ANKRD27: variants seen among roughly 807,000 people sequenced by gnomAD.
ANKRD27 encodes ankyrin repeat domain 27.
Under a neutral mutation model 129.7 loss-of-function variants are expected in ANKRD27, and 112 were observed. The observed-to-expected ratio is 0.86, with a 90% CI of 0.74 to 1.01. The LOEUF is 1.01. Ranked by LOEUF, ANKRD27 falls within the 50% of genes least tolerant of loss-of-function variation. The pLI is 0.00. For missense variants in ANKRD27, 1,258 were observed against 1,300.5 expected (o/e 0.97, Z 0.50); for synonymous variants, 516 against 511.2 (o/e 1.01, Z -0.13).
intron 13 of ANKRD27, among the ~76,000 whole-genome samples, chr19:32,630,482 C>A (rs543533918): frequency 6.6e-6 from 1 of 152,378 alleles, no homozygotes; most frequent in East Asian, 1.9e-4. Flanking sequence ...GCTCCTCGAG[C>A]CCAGCGGAGG....
Position 32,605,843 on chromosome 19 carries a change from G to A in ANKRD27, c.2485C>T (p.Leu829=). The change falls in exon 24 of 29, where the codon CTG becomes TTG. Residue 829 remains leucine, a synonymous_variant. Coordinates refer to ENST00000306065, the MANE Select transcript of ANKRD27 (RefSeq NM_032139.3). ...SGGHHELVAL[L]LQHGASINAS... ...CAGGAAGGGGCCCTCACCTGTAGCA[G>A]CAGTGCCACAAGCTCGTGATGGCCA... 6.2e-7 allele frequency: 1 copy of A among 1,613,732 alleles called. No homozygotes were observed. The highest frequency in any genetic ancestry group is 8.5e-7 in the Non-Finnish European group (1 of 1,179,788).
chr19:32,606,151 CTTTTT>C (rs11325326), intron 23 of ANKRD27, among the ~76,000 whole-genome samples, 197 bp from the exon 24 acceptor site: 16 of 125,528 alleles, frequency 1.3e-4, no homozygotes, highest in South Asian at 2.5e-4. Context: ...GTTTTTCTTT[CTTTTT>C]TTTTTTTTTT....
chr19:32,612,518 GAATA>G (rs2145266679), intron 22 of ANKRD27, among the ~76,000 whole-genome samples: 1 of 152,276 alleles, frequency 6.6e-6, no homozygotes, highest in Non-Finnish European at 1.5e-5. Flanking sequence ...TGGCAAAGAA[GAATA>G]AATTAGGAAG....
chr19:32,651,181 G>A (rs921014296), intron 2 of ANKRD27, among the ~76,000 whole-genome samples: 6 of 152,142 alleles, frequency 3.9e-5, no homozygotes, highest in African/African-American at 9.7e-5. Flanking sequence ...CACTGCAGTT[G>A]GCAGACAAAG....
rs1967959310 is a variant in ANKRD27, at chr19:32,675,054, A to C, written c.-31+17T>G. 1 of 152,212 alleles carries C rather than the reference A, an allele frequency of 6.6e-6. No homozygotes were observed. Among genetic ancestry groups the C allele is most frequent in the Admixed American group, 6.5e-5 (1 of 15,286 alleles). 9.4% of individuals were successfully genotyped at this position (152,212 alleles called of 1,614,324 possible). On this transcript the variant is annotated intron_variant, in intron 1 of 28. Transcript: ENST00000306065. ...GGGAGGGGAGGCGCAGGAGGAGGCC[A>C]GCGCGAGGACACTTACTTAAAAGGC...
chr19:32,649,532 G>C (rs1356669878), intron 3 of ANKRD27, 150 bp downstream of exon 3: 13 of 631,252 alleles, frequency 2.1e-5, no homozygotes, highest in Non-Finnish European at 3.4e-5. Flanking sequence ...CACAAAGGCA[G>C]GGTCCCTCCA....
chr19:32,642,768 C>G (rs569594224), intron 9 of ANKRD27, among the ~76,000 whole-genome samples: 4 of 152,106 alleles, frequency 2.6e-5, no homozygotes, highest in Admixed American at 1.3e-4. Flanking sequence ...AATGAATTAA[C>G]TCCTAAGTAG....
intron 2 of ANKRD27, among the ~76,000 whole-genome samples, chr19:32,658,173 A>G (rs1026953550): frequency 1.3e-5 from 2 of 152,080 alleles, no homozygotes; most frequent in South Asian, 2.1e-4. Context: ...GGGACAACAG[A>G]CAAAAAGAAG....
At chr19:32,618,998 T>C (rs438268) in intron 20 of ANKRD27, among the ~76,000 whole-genome samples, 119,515 of 152,240 alleles carry the variant, frequency 0.79, 47,954 homozygotes, top group African/African-American at 0.95. Context: ...TATCCTCTCT[T>C]TAATACACAA....
chr19:32,674,636 G>A (rs1424690267), intron 1 of ANKRD27, among the ~76,000 whole-genome samples: 1 of 151,838 alleles, frequency 6.6e-6, no homozygotes, highest in African/African-American at 2.4e-5. Context: ...TCACCCCCCG[G>A]AAACCACAAC....
chr19:32,607,507 A>C, intron 23 of ANKRD27, 128 bp downstream of exon 23: 1 of 1,169,768 alleles, frequency 8.5e-7, no homozygotes. Flanking sequence ...TGCACCTCAG[A>C]ATCTCAGGGC....
chr19:32,631,560 G>T, intron 12 of ANKRD27, 66 bp from the exon 13 acceptor site: 1 of 1,296,178 alleles, frequency 7.7e-7, no homozygotes, highest in Non-Finnish European at 1.1e-6. Flanking sequence ...CAGCACCTCA[G>T]CAACAACCCC....
chr19:32,668,144 TTTAC>T (rs1967796331), intron 1 of ANKRD27, among the ~76,000 whole-genome samples: 1 of 152,116 alleles, frequency 6.6e-6, no homozygotes, highest in South Asian at 2.1e-4. Flanking sequence ...CATCCTCATC[TTTAC>T]TTACTTACCT....
At chr19:32,646,350 C>G in intron 4 of ANKRD27, 109 bp downstream of exon 4, 2 of 1,139,264 alleles carry the variant, frequency 1.8e-6, no homozygotes, top group Non-Finnish European at 2.5e-6. Context: ...ATTACAGGCG[C>G]GAGCCACCAT....
chr19:32,633,239 C>A (rs1455701520), intron 12 of ANKRD27, among the ~76,000 whole-genome samples: 1 of 151,870 alleles, frequency 6.6e-6, no homozygotes, highest in Admixed American at 6.6e-5. Context: ...TGGGTAAATC[C>A]TTTCTATGAG....
chr19:32,640,220 C>A, intron 11 of ANKRD27, 87 bp downstream of exon 11: 2 of 1,076,416 alleles, frequency 1.9e-6, no homozygotes, highest in East Asian at 2.7e-5. Context: ...GCCTTGGCCT[C>A]CCAAAGTGCT....
At chr19:32,648,426 G>T (rs775244698) in intron 3 of ANKRD27, among the ~76,000 whole-genome samples, 1 of 152,204 alleles carries the variant, frequency 6.6e-6, no homozygotes, top group Non-Finnish European at 1.5e-5. Flanking sequence ...TTGCGTTGTG[G>T]TTACATAAGA....
chr19:32,618,196 T>C (rs985184726), intron 20 of ANKRD27, among the ~76,000 whole-genome samples: 12 of 152,016 alleles, frequency 7.9e-5, no homozygotes, highest in African/African-American at 2.2e-4. Flanking sequence ...AATGTATATG[T>C]ATATTTATAT....
chr19:32,608,813 G>A (rs1325871246), intron 22 of ANKRD27, among the ~76,000 whole-genome samples: 1 of 152,048 alleles, frequency 6.6e-6, no homozygotes, highest in African/African-American at 2.4e-5. Context: ...TTACCCAGGT[G>A]TGGCGGCACC....
Sources: gnomAD v4.1 joint callset for allele counts (sites outside exome capture counted in the v4.1 genomes callset) on GRCh38, gnomAD v4.1.1 for gene constraint, MANE v1.5 for transcripts, NCBI Gene and HGNC (gene_info 2026-07-23, HGNC 2026-07-21) for gene names.